Variants in AP2M1 observed in about 807,000 individuals in gnomAD.
The protein encoded by AP2M1 is AP-2 complex subunit mu.
Under a neutral mutation model 54.5 loss-of-function variants are expected in AP2M1, and 5 were observed. That is an observed-to-expected ratio of 0.09 (90% CI 0.05 to 0.19). AP2M1 has a LOEUF of 0.19. AP2M1 is among the 10% of genes least tolerant of loss of function. The probability of loss-of-function intolerance (pLI) is 1.00; values close to 1 mark genes in which losing one functional copy is unlikely to be tolerated. For synonymous variants in AP2M1, 186 were observed against 208.2 expected (o/e 0.89, Z 0.92); for missense variants, 178 against 580.2 (o/e 0.31, Z 7.12).
chr3:184,179,662 C>CTTT (rs368749437), intron 3 of AP2M1, among the ~76,000 whole-genome samples: 15,514 of 134,940 alleles, frequency 0.11, 1,177 homozygotes, highest in South Asian at 0.17. Flanking sequence ...GATTTCTTTT[C>CTTT]TTTTTTTTTT....
Position 184,181,714 on chromosome 3 carries a change from C to T in AP2M1, c.726C>T (p.Ala242=), listed in dbSNP as rs368390936. 8.7e-6 allele frequency: 14 copies of T among 1,613,804 alleles called. No individual in the cohort carries two copies. Among genetic ancestry groups the T allele is most frequent in the Non-Finnish European group, 1.2e-5 (14 of 1,179,862 alleles). The change falls in exon 8 of 12, where the codon GCC becomes GCT. Residue 242 remains alanine (A), a synonymous_variant. Transcript: ENST00000292807. The surrounding 1 kb of genome is among the most constrained non-coding windows in gnomAD (Gnocchi z 5.7). ...CTTGCAGCGGGAAGCAATCAATTGCCATTGATGACTGCACCTTCCACCAGT... is the reference window on the plus strand; with the variant it reads ...CTTGCAGCGGGAAGCAATCAATTGCTATTGATGACTGCACCTTCCACCAGT... The part of the protein sequence containing the change: ...ETSKSGKQSI[A]IDDCTFHQCV...
At chr3:184,176,406 A>G (rs1715074350) in intron 1 of AP2M1, among the ~76,000 whole-genome samples, 1 of 151,890 alleles carries the variant, frequency 6.6e-6, no homozygotes, top group Admixed American at 6.6e-5. Flanking sequence ...TTCTCCTTAT[A>G]CCCTTTCCTG....
chr3:184,182,302 C>T lies in AP2M1; in HGVS notation c.1061+54C>T. 2 of 1,566,286 alleles carry T rather than the reference C, an allele frequency of 1.3e-6. No individual in the cohort carries two copies. The highest frequency in any genetic ancestry group is 1.2e-5 in the South Asian group (1 of 85,412). ...AGGGCTCAAGATCCCAGTATACCCT[C>T]TTGTTTTCAGCTTTGATCCTTCTGA... On this transcript the variant is annotated intron_variant, in intron 10 of 11. Coordinates refer to ENST00000292807, the MANE Select transcript of AP2M1 (RefSeq NM_004068.4). This position sits in a 1 kb window ranked among gnomAD's most constrained non-coding sequence, Gnocchi z 5.5.
rs1715256922 is a variant in AP2M1 at position 184,181,045 on chromosome 3, C to A, written c.566-40C>A. The A allele has an allele frequency of 6.2e-7, 1 of 1,613,928 alleles. No individual in the cohort carries two copies. Among genetic ancestry groups the A allele is most frequent in the African/African-American group, 1.3e-5 (1 of 74,910 alleles). ...CAGGGCAGGATCCTGGGCCTGCCTG[C>A]CTGACTCCGCTGCTCCCCATTTATC... On this transcript the variant is annotated intron_variant, in intron 6 of 11. Transcript: ENST00000292807. The surrounding 1 kb of genome is among the most constrained non-coding windows in gnomAD (Gnocchi z 5.7).
chr3:184,175,462 C>T (rs1019094210), intron 1 of AP2M1, among the ~76,000 whole-genome samples: 27 of 152,100 alleles, frequency 1.8e-4, no homozygotes, highest in African/African-American at 6.3e-4. Context: ...CCACAATGTC[C>T]TCCCCAAGGC....
chr3:184,174,891 G>C lies in AP2M1; in HGVS notation c.-112G>C. 1 of 398,528 alleles carries C rather than the reference G, an allele frequency of 2.5e-6. No individual in the cohort carries two copies. The allele number at this position is 398,528 out of a possible 1,614,324, so 24.7% of individuals were successfully genotyped here. ...AGCCGAGGCAGCGGGCAGACGAGCA[G>C]GGGGCGGGCGGACATCTTGGGATCC... On this transcript the variant is annotated 5_prime_UTR_variant, in exon 1 of 12. Coordinates refer to ENST00000292807, the MANE Select transcript of AP2M1 (RefSeq NM_004068.4).
At position 184,178,268 on chromosome 3, in the gene AP2M1, G is replaced by A. The variant is rs1715154322; in HGVS notation, c.75-589G>A. The stretch of plus-strand genomic sequence containing the variant: ...GCTGCCCAGGTACAGGTGGGTGGGG[G>A]CCTGCCCCCATCGTTTTCCTGCATC... On this transcript the variant is annotated intron_variant, in intron 2 of 11. Coordinates refer to ENST00000292807, the MANE Select transcript of AP2M1 (RefSeq NM_004068.4). This position sits in a 1 kb window ranked among gnomAD's most constrained non-coding sequence, Gnocchi z 4.9. 2 of 1,532,044 alleles carry A rather than the reference G, an allele frequency of 1.3e-6. No homozygotes were observed. The highest frequency in any genetic ancestry group is 1.7e-6 in the Non-Finnish European group (2 of 1,143,266). The allele number at this position is 1,532,044 out of a possible 1,614,324, so 94.9% of individuals were successfully genotyped here. A position where few individuals can be genotyped will look rare whatever the true frequency, so the allele number is the denominator to read the frequency against.
chr3:184,175,635 C>T (rs1312335837), intron 1 of AP2M1, among the ~76,000 whole-genome samples: 1 of 152,188 alleles, frequency 6.6e-6, no homozygotes, highest in Non-Finnish European at 1.5e-5. Flanking sequence ...GTTCACTCCA[C>T]CAGCCCAGTT....
In AP2M1 at chr3:184,182,568, A is replaced by C. The variant is rs1715309508; in HGVS notation, c.1062-189A>C. ...TAGCATGTCCAAGTGTCTAGGCAGA[A>C]ACTGCATCCTGTTGTTCTAAAGAAG... On this transcript the variant is annotated intron_variant, in intron 10 of 11. Coordinates refer to ENST00000292807, the MANE Select transcript of AP2M1 (RefSeq NM_004068.4). The surrounding 1 kb of genome is among the most constrained non-coding windows in gnomAD (Gnocchi z 5.5). Among the ~76,000 whole-genome samples, 1 of 152,142 alleles carries C rather than the reference A, an allele frequency of 6.6e-6. No individual in the cohort carries two copies. The highest frequency in any genetic ancestry group is 6.5e-5 in the Admixed American group (1 of 15,272).
At position 184,178,152 on chromosome 3, in the gene AP2M1, C is replaced by T. The variant is rs956194843; in HGVS notation, c.75-705C>T. 12 of 1,500,300 alleles carry T rather than the reference C, an allele frequency of 8.0e-6. No individual in the cohort carries two copies. Among genetic ancestry groups the T allele is most frequent in the African/African-American group, 6.9e-5 (5 of 72,174 alleles). The allele number at this position is 1,500,300 out of a possible 1,614,324, so 92.9% of individuals were successfully genotyped here. ...GTGTTGTGTGTCTAACCCTCTCTCT[C>T]GTTGCTATCACTCTCCTCTTCTTGC... is the stretch of plus-strand genomic sequence containing the variant. On this transcript the variant is annotated intron_variant, in intron 2 of 11. Coordinates refer to ENST00000292807, the MANE Select transcript of AP2M1 (RefSeq NM_004068.4). The surrounding 1 kb of genome is among the most constrained non-coding windows in gnomAD (Gnocchi z 4.9).
Position 184,180,122 on chromosome 3 carries a change from A to C in AP2M1, c.341-47A>C. 1 of 1,595,044 alleles carries C rather than the reference A, an allele frequency of 6.3e-7. No individual in the cohort carries two copies. Among genetic ancestry groups the C allele is most frequent in the Non-Finnish European group, 8.6e-7 (1 of 1,163,590 alleles). On this transcript the variant is annotated intron_variant, in intron 3 of 11. Coordinates refer to ENST00000292807, the MANE Select transcript of AP2M1 (RefSeq NM_004068.4). The surrounding 1 kb of genome is among the most constrained non-coding windows in gnomAD (Gnocchi z 4.9). ...ATGTGTAGGCCCAAGTAGGGGCTGGAATGAAGAAGCTCTGTCCAGGGGCTG... is the reference window on the plus strand; with the variant it reads ...ATGTGTAGGCCCAAGTAGGGGCTGGCATGAAGAAGCTCTGTCCAGGGGCTG...
chr3:184,178,178 T>C lies in AP2M1; in HGVS notation c.75-679T>C, dbSNP rs146953866. 7.5e-3 allele frequency: 11,569 copies of C among 1,534,186 alleles called. 66 individuals are homozygous for C. The highest frequency in any genetic ancestry group is 8.7e-3 in the Non-Finnish European group (9,930 of 1,145,068). ...GTTGCTATCACTCTCCTCTTCTTGC[T>C]GGCGTCATTTCTCTCATCCCATCTC... On this transcript the variant is annotated intron_variant, in intron 2 of 11. Transcript: ENST00000292807. The surrounding 1 kb of genome is among the most constrained non-coding windows in gnomAD (Gnocchi z 4.9).
rs1577060226 is a variant in AP2M1, at chr3:184,181,966, A to C, written c.882A>C (p.Arg294=). 3.7e-6 allele frequency: 6 copies of C among 1,614,190 alleles called. No homozygotes were observed. The highest frequency in any genetic ancestry group is 5.1e-6 in the Non-Finnish European group (6 of 1,180,040). The part of the protein sequence containing the change: ...ILPFRVIPLV[R]EVGRTKLEVK... ...CCTTCCGGGTGATCCCGCTAGTGCG[A>C]GAAGTGGGACGCACCAAACTGGAGG... is the stretch of plus-strand genomic sequence containing the variant. Residue 294 remains arginine, a synonymous_variant, in exon 9 of 12, where the codon CGA becomes CGC. Coordinates refer to ENST00000292807, the MANE Select transcript of AP2M1 (RefSeq NM_004068.4). The surrounding 1 kb of genome is among the most constrained non-coding windows in gnomAD (Gnocchi z 5.7).
rs1003753822 is a variant in AP2M1 at position 184,176,977 on chromosome 3, G to A, written c.-17G>A. The stretch of plus-strand genomic sequence containing the variant: ...TCTGTTCTCAGAGCGATGGGCCGCG[G>A]AGACTGATCTGCCGCCATGATTGGA... On this transcript the variant is annotated 5_prime_UTR_variant, in exon 2 of 12. Coordinates refer to ENST00000292807, the MANE Select transcript of AP2M1 (RefSeq NM_004068.4). 6.2e-7 allele frequency: 1 copy of A among 1,613,440 alleles called. No individual in the cohort carries two copies. Among genetic ancestry groups the A allele is most frequent in the Non-Finnish European group, 8.5e-7 (1 of 1,179,790 alleles).
rs1296367856 is a variant in AP2M1, at chr3:184,181,168, A to C, written c.649A>C (p.Asn217His). The change falls in exon 7 of 12, where the codon AAT (asparagine) becomes CAT (histidine). Residue 217 changes from asparagine to histidine, a missense_variant. Coordinates refer to ENST00000292807, the MANE Select transcript of AP2M1 (RefSeq NM_004068.4). The surrounding 1 kb of genome is among the most constrained non-coding windows in gnomAD (Gnocchi z 5.7). The stretch of plus-strand genomic sequence containing the variant: ...CATGCCTGAATGCAAGTTTGGGATG[A>C]ATGACAAGATTGTTATTGAAAAGCA... ...SGMPECKFGM[N>H]DKIVIEKQGK... is the part of the protein sequence containing the mutation. 1.2e-6 allele frequency: 2 copies of C among 1,614,192 alleles called. No individual in the cohort carries two copies. Among genetic ancestry groups the C allele is most frequent in the Admixed American group, 3.3e-5 (2 of 60,028 alleles).
At chr3:184,177,745 G>A (rs1029443652) in intron 2 of AP2M1, 38 of 855,294 alleles carry the variant, frequency 4.4e-5, no homozygotes, top group African/African-American at 3.7e-4. Context: ...CCCCTTGCAC[G>A]CCCTTGTTCT....
Position 184,180,071 on chromosome 3 carries a change from TG to T in AP2M1, c.341-95del. 1 of 1,107,058 alleles carries T rather than the reference TG, an allele frequency of 9.0e-7. No homozygotes were observed. The highest frequency in any genetic ancestry group is 1.4e-6 in the Non-Finnish European group (1 of 738,518). The allele number at this position is 1,107,058 out of a possible 1,614,324, so 68.6% of individuals were successfully genotyped here. A position where few individuals can be genotyped will look rare whatever the true frequency, so the allele number is the denominator to read the frequency against. On this transcript the variant is annotated intron_variant, in intron 3 of 11. Coordinates refer to ENST00000292807, the MANE Select transcript of AP2M1 (RefSeq NM_004068.4). This position sits in a 1 kb window ranked among gnomAD's most constrained non-coding sequence, Gnocchi z 4.9. ...AGACTTTCTTGCGGATGATCCCACA[TG>T]GGCTTTGGGAGCTGTGCCGGTCAGA... is the stretch of plus-strand genomic sequence containing the variant.
Position 184,181,575 on chromosome 3 carries a change from A to G in AP2M1, c.708-121A>G, listed in dbSNP as rs1715274901. 3 of 1,382,834 alleles carry G rather than the reference A, an allele frequency of 2.2e-6. No individual in the cohort carries two copies. The Admixed American group carries it at 5.5e-5, about 25-fold the overall frequency. 85.7% of individuals were successfully genotyped at this position (1,382,834 alleles called of 1,614,324 possible). A position where few individuals can be genotyped will look rare whatever the true frequency, so the allele number is the denominator to read the frequency against. On this transcript the variant is annotated intron_variant, in intron 7 of 11. Coordinates refer to ENST00000292807, the MANE Select transcript of AP2M1 (RefSeq NM_004068.4). This position sits in a 1 kb window ranked among gnomAD's most constrained non-coding sequence, Gnocchi z 5.7. ...AAGCTCTGGGGCAGACCTCCGAGTC[A>G]CAAAGCTGCATTCTAGCAGCTTTTC...
chr3:184,183,674 C>T lies in AP2M1; in HGVS notation c.*58C>T, dbSNP rs1177685908. The T allele has an allele frequency of 8.3e-6, 13 of 1,574,914 alleles. No homozygotes were observed. The highest frequency in any genetic ancestry group is 2.3e-5 in the East Asian group (1 of 44,308). On this transcript the variant is annotated 3_prime_UTR_variant, in exon 12 of 12. Transcript: ENST00000292807. This position sits in a 1 kb window ranked among gnomAD's most constrained non-coding sequence, Gnocchi z 5.7. The stretch of plus-strand genomic sequence containing the variant: ...CACCCTCCTCCACAGGTCCAGGTGC[C>T]GCTCCCTCCCCCACCACACATCAGT...
Sources: allele counts gnomAD v4.1 joint callset (sites outside exome capture counted in the v4.1 genomes callset), GRCh38; gene constraint gnomAD v4.1.1; non-coding constraint Gnocchi (gnomAD v3.1); transcripts MANE v1.5; gene names NCBI Gene and HGNC (gene_info 2026-07-23, HGNC 2026-07-21).